SETD5: variants seen among roughly 807,000 people sequenced by gnomAD.
SETD5 encodes the protein histone-lysine N-methyltransferase SETD5.
In SETD5, 44 loss-of-function variants were observed where a neutral mutation model predicts 153.3. That is an observed-to-expected ratio of 0.29 (90% CI 0.23 to 0.37). The LOEUF (loss-of-function observed/expected upper bound fraction) is 0.37, where lower values mean the gene tolerates loss of function less well. Among genes scored for constraint, SETD5 ranks in the 10% least tolerant of loss-of-function variants. The pLI is 1.00. For missense variants in SETD5, 1,544 were observed against 1,768.0 expected (o/e 0.87, Z 2.27); for synonymous variants, 716 against 645.2 (o/e 1.11, Z -1.66).
intron 1 of SETD5, among the ~76,000 whole-genome samples, chr3:9,410,818 G>C (rs2036452232): frequency 6.6e-6 from 1 of 151,462 alleles, no homozygotes; most frequent in Non-Finnish European, 1.5e-5. Flanking sequence ...TTTGGAACCA[G>C]AATTTCTTGG....
Position 9,476,037 on chromosome 3 carries a change from C to A in SETD5, c.4275C>A (p.Tyr1425Ter). The A allele has an allele frequency of 6.2e-7, 1 of 1,613,854 alleles. No homozygotes were observed. The highest frequency in any genetic ancestry group is 1.1e-5 in the South Asian group (1 of 91,078). Residue 1425 changes from tyrosine (Y) to a stop codon, truncating the protein, a stop_gained, in exon 23 of 23, where the codon TAC becomes TAA. Coordinates refer to ENST00000402198, the MANE Select transcript of SETD5 (RefSeq NM_001080517.3). LOFTEE classifies it high-confidence loss of function. ...PHRGSGGVHQYRLQPLQGSGV... is the reference protein window; with the variant it reads ...PHRGSGGVHQ ...GTGGGAGTGGGGGTGTGCACCAGTA[C>A]CGACTCCAGCCACTGCAAGGGTCAG...
At chr3:9,431,111 C>G (rs1335715374) in intron 3 of SETD5, 2 of 985,384 alleles carry the variant, frequency 2.0e-6, no homozygotes, top group East Asian at 2.3e-4. Context: ...ATGTAGACTT[C>G]ACTTCATAGA....
At chr3:9,445,503 GGTTA>G (rs2041830929) in intron 12 of SETD5, 150 bp from the exon 13 acceptor site, 1 of 861,264 alleles carries the variant, frequency 1.2e-6, no homozygotes, top group African/African-American at 1.7e-5. Flanking sequence ...AGAGAATAGG[GGTTA>G]GTTATCATCT....
chr3:9,427,829 A>G (rs1012296444), intron 2 of SETD5, among the ~76,000 whole-genome samples: 1 of 152,206 alleles, frequency 6.6e-6, no homozygotes, highest in African/African-American at 2.4e-5. Context: ...GTAAAGTCAC[A>G]CAAAGAACAC....
At position 9,476,254 on chromosome 3, in the gene SETD5, T is replaced by A; in HGVS notation, c.*163T>A. On this transcript the variant is annotated 3_prime_UTR_variant, in exon 23 of 23. Coordinates refer to ENST00000402198, the MANE Select transcript of SETD5 (RefSeq NM_001080517.3). ...ACAAGACTTGTGGTCACAATTGGCC[T>A]CTGGCCTTGGAGAAAGCTGTAAATC... is the stretch of plus-strand genomic sequence containing the variant. The A allele has an allele frequency of 1.0e-6, 1 of 977,612 alleles. No individual in the cohort carries two copies. Among genetic ancestry groups the A allele is most frequent in the Non-Finnish European group, 1.5e-6 (1 of 683,800 alleles). 60.6% of individuals were successfully genotyped at this position (977,612 alleles called of 1,614,324 possible).
chr3:9,404,468 C>G (rs147659202), intron 1 of SETD5, among the ~76,000 whole-genome samples: 1 of 152,258 alleles, frequency 6.6e-6, no homozygotes, highest in East Asian at 1.9e-4. Flanking sequence ...AAAATAGCAA[C>G]AGCATTAACA....
chr3:9,447,712 C>T lies in SETD5; in HGVS notation c.1809C>T (p.Pro603=). 6.2e-7 allele frequency: 1 copy of T among 1,613,922 alleles called. No individual in the cohort carries two copies. Among genetic ancestry groups the T allele is most frequent in the Non-Finnish European group, 8.5e-7 (1 of 1,179,856 alleles). The stretch of plus-strand genomic sequence containing the variant: ...ATATTGCTGCAGAAAAACTAGTCCC[C>T]AAGCCACCTCCAGCAAAGCCTTCTA... The part of the protein sequence containing the change: ...AGDIAAEKLV[P]KPPPAKPSRP... The change falls in exon 15 of 23, where the codon CCC becomes CCT. Residue 603 remains proline, a synonymous_variant. Transcript: ENST00000402198.
chr3:9,476,038 C>T lies in SETD5; in HGVS notation c.4276C>T (p.Arg1426Ter), dbSNP rs753779109. The T allele has an allele frequency of 4.3e-6, 7 of 1,613,768 alleles. No homozygotes were observed. The highest frequency in any genetic ancestry group is 1.1e-5 in the South Asian group (1 of 91,070). The change falls in exon 23 of 23, where the codon CGA becomes TGA. Residue 1426 changes from arginine to a stop codon, truncating the protein, a stop_gained. Transcript: ENST00000402198. LOFTEE classifies it high-confidence loss of function. ...HRGSGGVHQY[R>*]LQPLQGSGVK... ...TGGGAGTGGGGGTGTGCACCAGTAC[C>T]GACTCCAGCCACTGCAAGGGTCAGG... is the stretch of plus-strand genomic sequence containing the variant.
intron 1 of SETD5, among the ~76,000 whole-genome samples, chr3:9,410,901 T>C (rs1482594045): frequency 6.6e-6 from 1 of 151,874 alleles, no homozygotes; most frequent in East Asian, 1.9e-4. Flanking sequence ...TTTTTTTCTT[T>C]TTTTTGAGAT....
intron 3 of SETD5, among the ~76,000 whole-genome samples, chr3:9,433,168 A>G (rs2040173405): frequency 6.6e-6 from 1 of 152,278 alleles, no homozygotes; most frequent in Admixed American, 6.5e-5. Flanking sequence ...CAGTAGACTA[A>G]CATAACTTTA....
intron 7 of SETD5, among the ~76,000 whole-genome samples, chr3:9,436,449 A>G (rs546003074): frequency 5.9e-5 from 9 of 152,310 alleles, no homozygotes; most frequent in South Asian, 2.1e-4. Flanking sequence ...CATCACAGCA[A>G]CTTTGTTGCT....
chr3:9,422,189 G>A (rs912734121), intron 1 of SETD5, among the ~76,000 whole-genome samples: 7 of 152,096 alleles, frequency 4.6e-5, no homozygotes, highest in Non-Finnish European at 1.0e-4. Context: ...GTAAATCGTG[G>A]CTAATAAGAT....
rs781427330 is a variant in SETD5 at position 9,441,756 on chromosome 3, C to T, written c.959+15C>T. 9.9e-6 allele frequency: 16 copies of T among 1,613,840 alleles called. No homozygotes were observed. In the East Asian group the frequency reaches 2.2e-4, roughly 22 times the overall value. ...TTCTTCAAAAAGTAAGAACGTCATT[C>T]ATTGAGCAGTGAGGGCTAAGGTGGA... On this transcript the variant is annotated intron_variant, in intron 9 of 22. Transcript: ENST00000402198.
chr3:9,409,915 A>C (rs1177161445), intron 1 of SETD5, among the ~76,000 whole-genome samples: 1 of 152,182 alleles, frequency 6.6e-6, no homozygotes, highest in African/African-American at 2.4e-5. Context: ...CACAATACAC[A>C]CACTACAGTT....
At chr3:9,474,988 G>A (rs1376459022) in intron 21 of SETD5, 80 bp from the exon 22 acceptor site, 3 of 1,295,778 alleles carry the variant, frequency 2.3e-6, no homozygotes, top group South Asian at 1.3e-5. Flanking sequence ...GATGGCACTG[G>A]TGATTTAAAT....
At chr3:9,456,814 A>C (rs1378857296) in intron 17 of SETD5, among the ~76,000 whole-genome samples, 1 of 151,830 alleles carries the variant, frequency 6.6e-6, no homozygotes, top group African/African-American at 2.4e-5. Flanking sequence ...CTCTACTAAA[A>C]ATACAAAAAA....
chr3:9,455,692 T>C (rs1484135229), intron 17 of SETD5, among the ~76,000 whole-genome samples: 2 of 152,152 alleles, frequency 1.3e-5, no homozygotes, highest in South Asian at 2.1e-4. Context: ...TTAGCTGAAA[T>C]AGACTATCAT....
In SETD5 at chr3:9,477,362, T is replaced by G. The variant is rs2045908431; in HGVS notation, c.*1271T>G. 6.5e-6 allele frequency: 1 copy of G among 152,678 alleles called. No individual in the cohort carries two copies. Among genetic ancestry groups the G allele is most frequent in the African/African-American group, 2.4e-5 (1 of 41,458 alleles). 9.5% of individuals were successfully genotyped at this position (152,678 alleles called of 1,614,324 possible). A position where few individuals can be genotyped will look rare whatever the true frequency, so the allele number is the denominator to read the frequency against. ...GTTGCCAGCTTATTTCTTTCACTTG[T>G]TTACTGTAATATCTGGCGTGTTTTT... is the stretch of plus-strand genomic sequence containing the variant. On this transcript the variant is annotated 3_prime_UTR_variant, in exon 23 of 23. Transcript: ENST00000402198.
intron 1 of SETD5, among the ~76,000 whole-genome samples, chr3:9,416,954 A>AT (rs2037559112): frequency 6.6e-6 from 1 of 151,562 alleles, no homozygotes; most frequent in South Asian, 2.1e-4. Flanking sequence ...TTTTTTTAAG[A>AT]TAAAAAATAA....
Sources: gnomAD v4.1 joint callset for allele counts (sites outside exome capture counted in the v4.1 genomes callset) on GRCh38, gnomAD v4.1.1 for gene constraint, MANE v1.5 for transcripts, NCBI Gene and HGNC (gene_info 2026-07-23, HGNC 2026-07-21) for gene names.